The following LRRTM4 variants were observed in gnomAD, a reference collection of about 807,000 sequenced individuals.
The protein encoded by LRRTM4 is leucine rich repeat transmembrane neuronal 4, also known as leucine-rich repeat transmembrane neuronal protein 4.
LRRTM4 carries 25 observed loss-of-function variants against 47.6 expected under a neutral mutation model. The observed-to-expected ratio is 0.53, with a 90% CI of 0.38 to 0.73. LRRTM4 has a LOEUF of 0.73. LRRTM4 is among the 30% of genes least tolerant of loss of function. The pLI is 0.00. For synonymous variants in LRRTM4, 311 were observed against 269.5 expected (o/e 1.15, Z -1.51); for missense variants, 638 against 713.4 (o/e 0.89, Z 1.20).
intron 3 of LRRTM4, among the ~76,000 whole-genome samples, chr2:77,463,418 C>T (rs894703777): frequency 1.3e-5 from 2 of 151,996 alleles, no homozygotes; most frequent in African/African-American, 4.8e-5. Flanking sequence ...TATATATTAA[C>T]ATATTCTTTT....
At chr2:77,214,061 G>C (rs750971109) in intron 3 of LRRTM4, among the ~76,000 whole-genome samples, 1 of 152,152 alleles carries the variant, frequency 6.6e-6, no homozygotes, top group Non-Finnish European at 1.5e-5. Context: ...CTCCTAATGA[G>C]CTTAAACATT....
At chr2:77,231,892 G>A (rs550806418) in intron 3 of LRRTM4, among the ~76,000 whole-genome samples, 3 of 152,228 alleles carry the variant, frequency 2.0e-5, no homozygotes, top group East Asian at 3.9e-4. Context: ...ATGAAAAACT[G>A]TTTTCTGATT....
chr2:77,079,015 T>G (rs1441171894), intron 3 of LRRTM4, among the ~76,000 whole-genome samples: 2 of 152,164 alleles, frequency 1.3e-5, no homozygotes, highest in African/African-American at 2.4e-5. Flanking sequence ...TGCATTCATA[T>G]AAGGACTAAG....
At chr2:76,752,038 T>A (rs1271528134) in intron 3 of LRRTM4, among the ~76,000 whole-genome samples, 1 of 152,152 alleles carries the variant, frequency 6.6e-6, no homozygotes, top group East Asian at 1.9e-4. Flanking sequence ...CTAAAAGACA[T>A]CAACATGAAC....
chr2:77,049,181 TCTTTATCCATTCATCTATTGATAGGCAA>T (rs1679344092), intron 3 of LRRTM4, among the ~76,000 whole-genome samples: 1 of 136,714 alleles, frequency 7.3e-6, no homozygotes, highest in South Asian at 2.3e-4. Flanking sequence ...CACCACATTT[TCTTTATCCATTCATCTATTGATAGGCAA>T]CTTAGGTTCA....
Position 77,519,630 on chromosome 2 carries a change from T to G in LRRTM4, c.239A>C (p.Gln80Pro). 6.2e-7 allele frequency: 1 copy of G among 1,613,480 alleles called. No individual in the cohort carries two copies. The highest frequency in any genetic ancestry group is 1.1e-5 in the South Asian group (1 of 91,074). ...FNSIQKLKSN[Q>P]FAGLNQLIWL... ...TATAAGCTGGTTAAGGCCGGCAAAC[T>G]GATTGGATTTGAGCTTCTGAATGCT... Residue 80 changes from glutamine to proline, a missense_variant, in exon 3 of 4, where the codon CAG becomes CCG. Physicochemically the swap from Gln to Pro is moderately conservative, Grantham distance 76. Coordinates refer to ENST00000409884, the MANE Select transcript of LRRTM4 (RefSeq NM_001134745.3). The surrounding 1 kb of genome is among the most constrained non-coding windows in gnomAD (Gnocchi z 4.6).
intron 3 of LRRTM4, among the ~76,000 whole-genome samples, chr2:77,481,514 C>G (rs925289828): frequency 6.6e-6 from 1 of 152,066 alleles, no homozygotes; most frequent in African/African-American, 2.4e-5. Context: ...AAAATTAAAT[C>G]AGTCCAAAAA....
intron 3 of LRRTM4, among the ~76,000 whole-genome samples, chr2:77,385,034 G>T (rs919140955): frequency 2.0e-5 from 3 of 152,032 alleles, no homozygotes; most frequent in Admixed American, 6.6e-5. Context: ...AGCTAAAAAT[G>T]TGCAAAAAGA....
intron 3 of LRRTM4, among the ~76,000 whole-genome samples, chr2:77,290,983 T>C (rs1006198123): frequency 6.6e-6 from 1 of 152,078 alleles, no homozygotes; most frequent in Non-Finnish European, 1.5e-5. Flanking sequence ...AGGAGGACAT[T>C]ACTGCTGGGC....
chr2:77,062,598 CTGATACT>C (rs939764965), intron 3 of LRRTM4, among the ~76,000 whole-genome samples: 6 of 152,192 alleles, frequency 3.9e-5, no homozygotes, highest in Non-Finnish European at 8.8e-5. Flanking sequence ...AGTGATTATA[CTGATACT>C]TTAAAACCCT....
At chr2:76,804,623 T>C (rs1675870170) in intron 3 of LRRTM4, among the ~76,000 whole-genome samples, 1 of 146,798 alleles carries the variant, frequency 6.8e-6, no homozygotes, top group African/African-American at 2.5e-5. Context: ...ATATGCATAG[T>C]ATCTTGTACA....
At chr2:77,171,256 CTGT>C (rs1156524088) in intron 3 of LRRTM4, among the ~76,000 whole-genome samples, 4 of 151,598 alleles carry the variant, frequency 2.6e-5, no homozygotes, top group African/African-American at 4.8e-5. Context: ...TGTTTTTTTT[CTGT>C]TGTTGTTTGT....
intron 3 of LRRTM4, among the ~76,000 whole-genome samples, chr2:76,845,016 C>A (rs540164320): frequency 6.6e-6 from 1 of 152,152 alleles, no homozygotes; most frequent in African/African-American, 2.4e-5. Context: ...AAGCAAATCC[C>A]TGCCACAAAA....
At chr2:77,458,223 C>G (rs1323872691) in intron 3 of LRRTM4, among the ~76,000 whole-genome samples, 1 of 152,122 alleles carries the variant, frequency 6.6e-6, no homozygotes, top group Non-Finnish European at 1.5e-5. Flanking sequence ...ATTTCAGGAT[C>G]AGACAAAAGA....
chr2:76,783,624 C>G lies in LRRTM4; in HGVS notation c.1552-34708G>C, dbSNP rs149328452. ...GCTAATGTGAAAAGTTTCTCTGAAA[C>G]TAAACAAGGAAATTAATTGATTTAA... On this transcript the variant is annotated intron_variant, in intron 3 of 3. Coordinates refer to ENST00000409884, the MANE Select transcript of LRRTM4 (RefSeq NM_001134745.3). Among the ~76,000 whole-genome samples the G allele has an allele frequency of 2.0e-3, 303 of 152,112 alleles. 5 individuals are homozygous for G. The South Asian group carries it at 0.038, about 19-fold the overall frequency.
intron 3 of LRRTM4, among the ~76,000 whole-genome samples, chr2:77,276,386 G>A (rs936921654): frequency 2.2e-5 from 3 of 137,930 alleles, no homozygotes; most frequent in Non-Finnish European, 3.1e-5. Context: ...GGAAGGGAGG[G>A]AAGGAGGGAG....
At chr2:77,416,374 T>C (rs1481801947) in intron 3 of LRRTM4, among the ~76,000 whole-genome samples, 1 of 152,116 alleles carries the variant, frequency 6.6e-6, no homozygotes, top group Non-Finnish European at 1.5e-5. Flanking sequence ...TGGCTACTTG[T>C]AGATTGTTCA....
At chr2:77,159,233 A>G (rs1019419284) in intron 3 of LRRTM4, among the ~76,000 whole-genome samples, 5 of 152,212 alleles carry the variant, frequency 3.3e-5, no homozygotes, top group Non-Finnish European at 5.9e-5. Context: ...TCCCAAAAAC[A>G]TAACCACTAA....
At chr2:76,966,340 GAAAGA>G (rs972724900) in intron 3 of LRRTM4, among the ~76,000 whole-genome samples, 7 of 151,380 alleles carry the variant, frequency 4.6e-5, no homozygotes, top group African/African-American at 1.7e-4. Flanking sequence ...AAGTGGGAGA[GAAAGA>G]AAAGAGAGAC....
Sources: gnomAD v4.1 joint callset for allele counts (sites outside exome capture counted in the v4.1 genomes callset) on GRCh38, gnomAD v4.1.1 for gene constraint, Gnocchi (gnomAD v3.1) non-coding constraint, MANE v1.5 for transcripts, NCBI Gene and HGNC (gene_info 2026-07-23, HGNC 2026-07-21) for gene names.